TSPAN12: variants seen among roughly 807,000 people sequenced by gnomAD.
TSPAN12 encodes the protein tetraspanin 12.
In TSPAN12, 19 loss-of-function variants were observed where a neutral mutation model predicts 39.2. The ratio of observed to expected loss-of-function variants is 0.49; its 90% CI spans 0.34 to 0.71. The LOEUF (loss-of-function observed/expected upper bound fraction) is 0.71. Among genes scored for constraint, TSPAN12 ranks in the 30% least tolerant of loss-of-function variants. The pLI is 0.01. For synonymous variants in TSPAN12, 119 were observed against 124.8 expected, an observed-to-expected ratio of 0.95 and a Z score of 0.31; for missense variants, 314 against 359.9, an observed-to-expected ratio of 0.87 and a Z score of 1.03.
In TSPAN12 at chr7:120,797,982, C is replaced by T. The variant is rs1453820540; in HGVS notation, c.612+8567G>A. Among the ~76,000 whole-genome samples, 7 of 152,176 alleles carry T rather than the reference C, an allele frequency of 4.6e-5. No individual in the cohort carries two copies. In the East Asian group the frequency reaches 7.7e-4, roughly 17 times the overall value. ...AAGCTTAAATCTAAAATTGTTATTT[C>T]GTAAGGTACTTTTTCAGGTCAAAAT... On this transcript the variant is annotated intron_variant, in intron 7 of 7. Transcript: ENST00000222747.
chr7:120,827,843 C>A (rs1794318467), intron 4 of TSPAN12, among the ~76,000 whole-genome samples: 1 of 152,104 alleles, frequency 6.6e-6, no homozygotes, highest in South Asian at 2.1e-4. Flanking sequence ...AAGTCTTTTC[C>A]CTGAGGCTGA....
intron 7 of TSPAN12, among the ~76,000 whole-genome samples, chr7:120,790,577 A>G (rs928264939): frequency 2.0e-5 from 3 of 152,210 alleles, no homozygotes; most frequent in African/African-American, 2.4e-5. Flanking sequence ...ACACTTCATG[A>G]AAGAGTATGA....
intron 4 of TSPAN12, among the ~76,000 whole-genome samples, chr7:120,829,334 T>C (rs1794348048): frequency 6.6e-6 from 1 of 152,090 alleles, no homozygotes; most frequent in Admixed American, 6.6e-5. Context: ...ATTCATAATC[T>C]TATTTAGCCA....
chr7:120,805,157 A>G (rs1472262257), intron 7 of TSPAN12, among the ~76,000 whole-genome samples: 1 of 152,130 alleles, frequency 6.6e-6, no homozygotes. Flanking sequence ...TTCAGAGCCC[A>G]AAGCACTTTA....
At chr7:120,824,978 CAA>C (rs1794257343) in intron 4 of TSPAN12, among the ~76,000 whole-genome samples, 1 of 152,100 alleles carries the variant, frequency 6.6e-6, no homozygotes, top group South Asian at 2.1e-4. Flanking sequence ...TTCAACTTTA[CAA>C]AGAGAGGACT....
intron 7 of TSPAN12, among the ~76,000 whole-genome samples, chr7:120,804,895 G>A (rs1793839981): frequency 6.6e-6 from 1 of 152,006 alleles, no homozygotes; most frequent in South Asian, 2.1e-4. Flanking sequence ...TAAAAGACGA[G>A]GAACCAGGAA....
At chr7:120,844,229 G>A (rs1006396587) in intron 2 of TSPAN12, among the ~76,000 whole-genome samples, 3 of 152,154 alleles carry the variant, frequency 2.0e-5, no homozygotes, top group Admixed American at 2.0e-4. Context: ...CCACAACACT[G>A]AGGATCACAA....
chr7:120,816,676 A>T (rs1222264132), intron 4 of TSPAN12, among the ~76,000 whole-genome samples: 2 of 152,164 alleles, frequency 1.3e-5, no homozygotes, highest in Non-Finnish European at 2.9e-5. Context: ...TAAATAATAC[A>T]CTAGTGAATT....
At chr7:120,826,731 A>AT (rs759723240) in intron 4 of TSPAN12, among the ~76,000 whole-genome samples, 4 of 151,802 alleles carry the variant, frequency 2.6e-5, no homozygotes, top group Non-Finnish European at 4.4e-5. Context: ...TTTTTATTAA[A>AT]TTTTTTTTGG....
intron 7 of TSPAN12, among the ~76,000 whole-genome samples, chr7:120,792,489 A>ATGAATAGGGC (rs1163934389): frequency 7.5e-6 from 1 of 132,464 alleles, no homozygotes; most frequent in Non-Finnish European, 1.7e-5. Context: ...AGTTACACAC[A>ATGAATAGGGC]TGAATAGGGC....
At position 120,841,624 on chromosome 7, in the gene TSPAN12, T is replaced by C. The variant is rs1267043678; in HGVS notation, c.67-1515A>G. On this transcript the variant is annotated intron_variant, in intron 2 of 7. Coordinates refer to ENST00000222747, the MANE Select transcript of TSPAN12 (RefSeq NM_012338.4). ...GAAACTACTTTGATTATTTTAGGTA[T>C]GAGAATATATTATTTTTTAAAAGGT... Among the ~76,000 whole-genome samples the C allele has an allele frequency of 2.5e-4, 5 of 19,994 alleles. No individual in the cohort carries two copies. The Admixed American group carries it at 3.0e-3, about 12-fold the overall frequency. 13.1% of individuals were successfully genotyped at this position (19,994 alleles called of 152,430 possible).
At chr7:120,835,572 T>C (rs576295274) in intron 4 of TSPAN12, among the ~76,000 whole-genome samples, 1 of 152,198 alleles carries the variant, frequency 6.6e-6, no homozygotes, top group Non-Finnish European at 1.5e-5. Context: ...CTATGCCTCA[T>C]TTCCTCATCT....
intron 5 of TSPAN12, chr7:120,814,081 C>T (rs1794034040): frequency 1.0e-5 from 4 of 391,406 alleles, no homozygotes; most frequent in Non-Finnish European, 2.0e-5. Flanking sequence ...GCACCACTGA[C>T]ATGTAAATTG....
At chr7:120,812,122 C>CCAAT (rs1390412703) in intron 5 of TSPAN12, among the ~76,000 whole-genome samples, 2 of 152,168 alleles carry the variant, frequency 1.3e-5, no homozygotes, top group Non-Finnish European at 2.9e-5. Flanking sequence ...CTTCTATTCT[C>CCAAT]CAATCACCTA....
intron 2 of TSPAN12, 132 bp from the exon 3 acceptor site, chr7:120,840,241 ACT>A: frequency 1.3e-6 from 1 of 767,818 alleles, no homozygotes; most frequent in Non-Finnish European, 2.3e-6. Flanking sequence ...CTTGAAATTT[ACT>A]ATTACTATAA....
chr7:120,834,428 G>C (rs548243748), intron 4 of TSPAN12, among the ~76,000 whole-genome samples: 24 of 152,282 alleles, frequency 1.6e-4, no homozygotes, highest in African/African-American at 5.1e-4. Flanking sequence ...CTCTTAGCTT[G>C]TAGAGGTTTT....
At chr7:120,794,822 C>G (rs914909298) in intron 7 of TSPAN12, among the ~76,000 whole-genome samples, 41 of 152,194 alleles carry the variant, frequency 2.7e-4, no homozygotes, top group Admixed American at 2.7e-3. Context: ...CCTCCTCAGT[C>G]ACTCTGTAAA....
At chr7:120,812,586 T>C (rs895493014) in intron 5 of TSPAN12, among the ~76,000 whole-genome samples, 2 of 152,212 alleles carry the variant, frequency 1.3e-5, no homozygotes, top group Non-Finnish European at 2.9e-5. Context: ...TTTTTTTCTT[T>C]GTTAACTTTT....
chr7:120,799,506 T>TTAATTATATA (rs1184473085), intron 7 of TSPAN12, among the ~76,000 whole-genome samples: 2 of 122,776 alleles, frequency 1.6e-5, no homozygotes, highest in African/African-American at 6.4e-5. Context: ...TTTTAATTAA[T>TTAATTATATA]TAATTATATA....
Sources: allele counts gnomAD v4.1 joint callset (sites outside exome capture counted in the v4.1 genomes callset), GRCh38; gene constraint gnomAD v4.1.1; transcripts MANE v1.5; gene names NCBI Gene and HGNC (gene_info 2026-07-23, HGNC 2026-07-21).